Variants in LRRC19 observed in about 807,000 individuals in gnomAD.
LRRC19 encodes the protein leucine-rich repeat-containing protein 19.
A neutral mutation model predicts 33.3 loss-of-function variants in LRRC19; 33 were observed. The observed-to-expected ratio is 0.99, with a 90% CI of 0.75 to 1.33. The LOEUF (loss-of-function observed/expected upper bound fraction) is 1.33, where lower values mean the gene tolerates loss of function less well. Ranked by LOEUF, LRRC19 falls within the 40% of genes most tolerant of loss-of-function variation. The pLI is 0.00. For missense variants in LRRC19, 463 were observed against 417.3 expected (o/e 1.11, Z -0.95); for synonymous variants, 184 against 152.3 (o/e 1.21, Z -1.53).
Position 26,995,778 on chromosome 9 carries a change from G to C in LRRC19, c.856C>G (p.Leu286Val). Residue 286 changes from leucine (L) to valine (V), a missense_variant, in exon 5 of 5, where the codon CTC becomes GTC. Leu to Val is a conservative substitution (Grantham distance 32). Transcript: ENST00000380055. ...GGGCATTTGATAGCAATAAAAATGA[G>C]AAGTGAAGTCGTCAGTACAGTGACA... is the stretch of plus-strand genomic sequence containing the variant. Reference protein sequence around the residue: ...VVVTVLTTSLLIFIAIKCPIW... With the variant: ...VVVTVLTTSLVIFIAIKCPIW... 6.2e-7 allele frequency: 1 copy of C among 1,613,774 alleles called. No homozygotes were observed. The highest frequency in any genetic ancestry group is 1.1e-5 in the South Asian group (1 of 91,060).
chr9:26,995,769 T>C lies in LRRC19; in HGVS notation c.865A>G (p.Ile289Val). ...TACCATATTGGGCATTTGATAGCAA[T>C]AAAAATGAGAAGTGAAGTCGTCAGT... ...TVLTTSLLIF[I>V]AIKCPIWYNI... Residue 289 changes from isoleucine to valine, a missense_variant, in exon 5 of 5, where the codon ATT (isoleucine) becomes GTT (valine). Physicochemically the swap from Ile to Val is conservative, Grantham distance 29 (BLOSUM62 3). Transcript: ENST00000380055. The C allele has an allele frequency of 6.2e-7, 1 of 1,613,692 alleles. No individual in the cohort carries two copies. Among genetic ancestry groups the C allele is most frequent in the Non-Finnish European group, 8.5e-7 (1 of 1,179,836 alleles).
rs143791301 is a variant in LRRC19, at chr9:26,994,971, A to C, written c.*550T>G. 1,294 of 152,610 alleles carry C rather than the reference A, an allele frequency of 8.5e-3. 16 individuals carry two copies. Among genetic ancestry groups the C allele is most frequent in the African/African-American group, 0.029 (1,204 of 41,562 alleles). 9.5% of individuals were successfully genotyped at this position (152,610 alleles called of 1,614,324 possible). A position where few individuals can be genotyped will look rare whatever the true frequency, so the allele number is the denominator to read the frequency against. ...CCTGAACATTGTGCTTGTGCTTTAA[A>C]TTGCTATGAAATTTTAAGGAAATTT... On this transcript the variant is annotated 3_prime_UTR_variant, in exon 5 of 5. Transcript: ENST00000380055.
At chr9:26,996,529 A>G (rs200872303) in intron 3 of LRRC19, 30 bp from the exon 4 acceptor site, 3 of 1,317,240 alleles carry the variant, frequency 2.3e-6, no homozygotes, top group East Asian at 2.7e-5. Context: ...AAGATTTAGT[A>G]TAGAGAAAAA....
In LRRC19 at chr9:26,994,052, C is replaced by T. The variant is rs1236085241; in HGVS notation, c.*1469G>A. 1.3e-5 allele frequency: 2 copies of T among 151,956 alleles called. No homozygotes were observed. The highest frequency in any genetic ancestry group is 2.9e-5 in the Non-Finnish European group (2 of 67,990). The allele number at this position is 151,956 out of a possible 1,614,324, so 9.4% of individuals were successfully genotyped here. A position where few individuals can be genotyped will look rare whatever the true frequency, so the allele number is the denominator to read the frequency against. Reference sequence around the variant, plus strand: ...ACTCAGCAAATAATTTTCTTTAGACCCTTCCTATTACAGCCGATAGGCCAG... The same window carrying T: ...ACTCAGCAAATAATTTTCTTTAGACTCTTCCTATTACAGCCGATAGGCCAG... On this transcript the variant is annotated 3_prime_UTR_variant, in exon 5 of 5. Transcript: ENST00000380055.
At chr9:26,999,571 T>C in intron 2 of LRRC19, 43 bp downstream of exon 2, 1 of 1,403,154 alleles carries the variant, frequency 7.1e-7, no homozygotes. Flanking sequence ...ACAGAAAATG[T>C]ACCTTTGAAA....
chr9:26,999,779 T>C, intron 1 of LRRC19, 76 bp from the exon 2 acceptor site: 1 of 923,196 alleles, frequency 1.1e-6, no homozygotes, highest in Non-Finnish European at 1.5e-6. Context: ...TCTTTTTTTT[T>C]TTTTTTTTTT....
chr9:27,001,640 T>C (rs902323597), intron 1 of LRRC19, among the ~76,000 whole-genome samples: 1 of 152,210 alleles, frequency 6.6e-6, no homozygotes, highest in Non-Finnish European at 1.5e-5. Flanking sequence ...TTTTGCCATG[T>C]TTACTTGGAT....
chr9:26,995,902 A>T (rs1374034336), intron 4 of LRRC19, 53 bp from the exon 5 acceptor site: 20 of 1,250,224 alleles, frequency 1.6e-5, no homozygotes, highest in Non-Finnish European at 1.8e-5. Flanking sequence ...TAAGTTGGCA[A>T]AATAATCATA....
intron 1 of LRRC19, among the ~76,000 whole-genome samples, chr9:27,002,119 A>G (rs1330131328): frequency 6.6e-6 from 1 of 152,046 alleles, no homozygotes; most frequent in African/African-American, 2.4e-5. Flanking sequence ...GGAGCTACAC[A>G]CTTTTAAACA....
At chr9:26,999,957 G>A (rs539365138) in intron 1 of LRRC19, among the ~76,000 whole-genome samples, 10 of 151,924 alleles carry the variant, frequency 6.6e-5, no homozygotes, top group Admixed American at 6.6e-4. Flanking sequence ...TTTTTGTAGA[G>A]ATGGGGTCAC....
intron 2 of LRRC19, 57 bp from the exon 3 acceptor site, chr9:26,998,298 C>G: frequency 1.9e-6 from 2 of 1,071,072 alleles, no homozygotes; most frequent in Non-Finnish European, 2.6e-6. Flanking sequence ...TAGAATTTCA[C>G]CAAATTTCAT....
chr9:26,997,168 C>G (rs538160332), intron 3 of LRRC19, among the ~76,000 whole-genome samples: 1 of 150,908 alleles, frequency 6.6e-6, no homozygotes, highest in Middle Eastern at 3.2e-3. Context: ...GCTGAGATCA[C>G]GCCAATGCAT....
At chr9:27,002,418 T>A (rs1329294320) in intron 1 of LRRC19, among the ~76,000 whole-genome samples, 1 of 152,266 alleles carries the variant, frequency 6.6e-6, no homozygotes, top group Non-Finnish European at 1.5e-5. Context: ...TGAAACAGTT[T>A]TATAGTTTGA....
chr9:26,995,755 G>C lies in LRRC19; in HGVS notation c.879C>G (p.Cys293Trp), dbSNP rs1488097655. The change falls in exon 5 of 5, where the codon TGC (cysteine) becomes TGG (tryptophan). Residue 293 changes from cysteine to tryptophan, a missense_variant. Transcript: ENST00000380055. ...TSLLIFIAIK[C>W]PIWYNILLSY... ...TAAGCAGAATATTGTACCATATTGG[G>C]CATTTGATAGCAATAAAAATGAGAA... 1.9e-6 allele frequency: 3 copies of C among 1,613,710 alleles called. No individual in the cohort carries two copies. The Admixed American group carries it at 5.0e-5, about 27-fold the overall frequency.
chr9:26,996,606 CATT>C (rs1229786264), intron 3 of LRRC19, 107 bp from the exon 4 acceptor site: 3 of 711,328 alleles, frequency 4.2e-6, no homozygotes, highest in South Asian at 5.7e-5. Context: ...TTCTTAAAGG[CATT>C]ATAAGAAATT....
rs1828153009 is a variant in LRRC19, at chr9:26,996,311, C to T, written c.784G>A (p.Glu262Lys). ...SSSNNLTRNS[E>K]HEPLGKSWAF... ...TTAATATATAGAACCAGTATATTAC[C>T]TGAATTTCTTGTTAAGTTGTTCGAA... Residue 262 changes from glutamate to lysine, a missense_variant and splice_region_variant, in exon 4 of 5, where the codon GAA becomes AAA. Physicochemically the swap from Glu to Lys is moderately conservative, Grantham distance 56. Transcript: ENST00000380055. 2 of 1,565,524 alleles carry T rather than the reference C, an allele frequency of 1.3e-6. No individual in the cohort carries two copies. Among genetic ancestry groups the T allele is most frequent in the East Asian group, 4.5e-5 (2 of 44,146 alleles).
intron 4 of LRRC19, among the ~76,000 whole-genome samples, chr9:26,996,082 G>A (rs1020952754): frequency 1.3e-5 from 2 of 152,078 alleles, no homozygotes; most frequent in Non-Finnish European, 1.5e-5. Flanking sequence ...TAAGATTTGT[G>A]ACTAGACTAG....
In LRRC19 at chr9:26,995,451, A is replaced by T; in HGVS notation, c.*70T>A. On this transcript the variant is annotated 3_prime_UTR_variant, in exon 5 of 5. Coordinates refer to ENST00000380055, the MANE Select transcript of LRRC19 (RefSeq NM_022901.3). ...TGCCAGCTGTATTTTGTTATGTCAC[A>T]TAGCAAAATCTCCATATCTAAACTG... 1.2e-6 allele frequency: 1 copy of T among 862,840 alleles called. No individual in the cohort carries two copies. Among genetic ancestry groups the T allele is most frequent in the Non-Finnish European group, 1.8e-6 (1 of 566,064 alleles). 53.4% of individuals were successfully genotyped at this position (862,840 alleles called of 1,614,324 possible). A position where few individuals can be genotyped will look rare whatever the true frequency, so the allele number is the denominator to read the frequency against.
intron 1 of LRRC19, among the ~76,000 whole-genome samples, chr9:27,005,360 C>T (rs1171175422): frequency 2.9e-5 from 1 of 34,554 alleles, no homozygotes; most frequent in Non-Finnish European, 5.7e-5. Context: ...TTTCCCCCCC[C>T]GCCCCCCGCA....
Sources: gnomAD v4.1 joint callset for allele counts (sites outside exome capture counted in the v4.1 genomes callset) on GRCh38, gnomAD v4.1.1 for gene constraint, MANE v1.5 for transcripts, NCBI Gene and HGNC (gene_info 2026-07-23, HGNC 2026-07-21) for gene names.